METTL25B: variants seen among roughly 807,000 people sequenced by gnomAD.
METTL25B encodes the protein methyltransferase like 25B.
Under a neutral mutation model 48.4 loss-of-function variants are expected in METTL25B, and 38 were observed. That is an observed-to-expected ratio of 0.78 (90% CI 0.61 to 1.03). The LOEUF is 1.03. Ranked by LOEUF, METTL25B falls within the 50% of genes least tolerant of loss-of-function variation. METTL25B has a pLI of 0.00. For synonymous variants in METTL25B, 230 were observed against 254.5 expected (o/e 0.90, Z 0.92); for missense variants, 537 against 603.7 (o/e 0.89, Z 1.16).
intron 7 of METTL25B, 38 bp from the exon 8 acceptor site, chr1:156,736,594 G>A (rs1262276806): frequency 1.9e-6 from 3 of 1,612,280 alleles, no homozygotes; most frequent in East Asian, 4.5e-5. Context: ...AGTGAGTTTG[G>A]TTCATTCTTC....
At chr1:156,733,251 A>C in intron 4 of METTL25B, 126 bp from the exon 5 acceptor site, 2 of 1,185,034 alleles carry the variant, frequency 1.7e-6, no homozygotes, top group Non-Finnish European at 2.4e-6. Flanking sequence ...GATGTTAATA[A>C]GTTCTGTAGG....
chr1:156,731,420 G>A lies in METTL25B; in HGVS notation c.112-571G>A, dbSNP rs377637292. ...ATTACAGGCGTGAGCCACCATGCCC[G>A]GCCAAAGTTATTATTTTTTTTAATG... On this transcript the variant is annotated intron_variant, in intron 1 of 7. Coordinates refer to ENST00000368216, the MANE Select transcript of METTL25B (RefSeq NM_015997.4). 1.5e-4 allele frequency among the ~76,000 whole-genome samples: 23 copies of A among 152,294 alleles called. No homozygotes were observed. In the South Asian group the frequency reaches 3.5e-3, roughly 23 times the overall value.
chr1:156,729,369 T>C, intron 1 of METTL25B, 154 bp downstream of exon 1: 1 of 515,888 alleles, frequency 1.9e-6, no homozygotes, highest in South Asian at 2.7e-5. Context: ...ACTGGAGTGA[T>C]CCCTCCTTTT....
chr1:156,736,656 T>C lies in METTL25B; in HGVS notation c.1331T>C (p.Ile444Thr), dbSNP rs1649834240. 1 of 1,613,980 alleles carries C rather than the reference T, an allele frequency of 6.2e-7. No individual in the cohort carries two copies. Among genetic ancestry groups the C allele is most frequent in the Non-Finnish European group, 8.5e-7 (1 of 1,179,954 alleles). Reference protein sequence around the residue: ...EQGFHAELLPIFSPELSPRNL... With the variant: ...EQGFHAELLPTFSPELSPRNL... The stretch of plus-strand genomic sequence containing the variant: ...GGTTTCCATGCTGAGCTCCTGCCCA[T>C]CTTCAGTCCTGAACTCTCTCCCAGA... The change falls in exon 8 of 8, where the codon ATC becomes ACC. Residue 444 changes from isoleucine to threonine, a missense_variant. Ile to Thr is a moderately conservative substitution (Grantham distance 89). Transcript: ENST00000368216.
chr1:156,732,017 C>G lies in METTL25B; in HGVS notation c.138C>G (p.Asp46Glu). Residue 46 changes from aspartate (D) to glutamate (E), a missense_variant, in exon 2 of 8, where the codon GAC (aspartate) becomes GAG (glutamate). Coordinates refer to ENST00000368216, the MANE Select transcript of METTL25B (RefSeq NM_015997.4). ...AATTTTTCACAGACAACCTATGGGACACACTCCCTTGCTCATGGCAGGAAG... is the reference window on the plus strand; with the variant it reads ...AATTTTTCACAGACAACCTATGGGAGACACTCCCTTGCTCATGGCAGGAAG... The part of the protein sequence containing the change: ...IIEFFTDNLW[D>E]TLPCSWQEAL... 1 of 1,614,178 alleles carries G rather than the reference C, an allele frequency of 6.2e-7. No homozygotes were observed. The highest frequency in any genetic ancestry group is 8.5e-7 in the Non-Finnish European group (1 of 1,180,032).
chr1:156,728,523 G>C lies in METTL25B; in HGVS notation c.-582G>C. ...GGCGCGCGGGTTAGAACGCGCCAGAGGTCGGCGCGCGCACACCCGCACCGC... is the reference window on the plus strand; with the variant it reads ...GGCGCGCGGGTTAGAACGCGCCAGACGTCGGCGCGCGCACACCCGCACCGC... On this transcript the variant is annotated 5_prime_UTR_variant, in exon 1 of 8. Coordinates refer to ENST00000368216, the MANE Select transcript of METTL25B (RefSeq NM_015997.4). The C allele has an allele frequency of 1.0e-6, 1 of 985,618 alleles. No individual in the cohort carries two copies. Among genetic ancestry groups the C allele is most frequent in the Non-Finnish European group, 1.2e-6 (1 of 829,926 alleles). 61.1% of individuals were successfully genotyped at this position (985,618 alleles called of 1,614,324 possible). A position where few individuals can be genotyped will look rare whatever the true frequency, so the allele number is the denominator to read the frequency against.
Position 156,729,045 on chromosome 1 carries a change from C to A in METTL25B, c.-60C>A. ...GTCCGGGTCCTGGACCCGCGTAGTA[C>A]TGACCCTGGATCCCTGTTCACTGCG... On this transcript the variant is annotated 5_prime_UTR_variant, in exon 1 of 8. The change creates a new upstream start codon in the 5' untranslated region. Transcript: ENST00000368216. 1.0e-6 allele frequency: 1 copy of A among 1,001,378 alleles called. No individual in the cohort carries two copies. The highest frequency in any genetic ancestry group is 1.5e-6 in the Non-Finnish European group (1 of 656,596). The allele number at this position is 1,001,378 out of a possible 1,614,324, so 62.0% of individuals were successfully genotyped here.
chr1:156,735,587 T>C (rs567528290), intron 6 of METTL25B, 138 bp from the exon 7 acceptor site: 1 of 57,534 alleles, frequency 1.7e-5, no homozygotes, highest in South Asian at 1.3e-4. Flanking sequence ...TATATATATA[T>C]GCACATATGT....
In METTL25B at chr1:156,732,537, C is replaced by CA. The variant is rs375023064; in HGVS notation, c.429+67dup. 1.0e-3 allele frequency: 1,587 copies of CA among 1,515,272 alleles called. 1 individual carries two copies. The highest frequency in any genetic ancestry group is 1.9e-3 in the Middle Eastern group (11 of 5,780). 93.9% of individuals were successfully genotyped at this position (1,515,272 alleles called of 1,614,324 possible). A position where few individuals can be genotyped will look rare whatever the true frequency, so the allele number is the denominator to read the frequency against. Reference sequence around the variant, plus strand: ...CCAGGGACTCCTTAAGCCTGGCTTACAAATATGTGTGCCCTTTACCTCACA... The same window carrying CA: ...CCAGGGACTCCTTAAGCCTGGCTTACAAAATATGTGTGCCCTTTACCTCACA... On this transcript the variant is annotated intron_variant, in intron 3 of 7. Coordinates refer to ENST00000368216, the MANE Select transcript of METTL25B (RefSeq NM_015997.4).
chr1:156,731,014 A>T (rs932680371), intron 1 of METTL25B, among the ~76,000 whole-genome samples: 24 of 152,382 alleles, frequency 1.6e-4, no homozygotes, highest in African/African-American at 5.8e-4. Context: ...CACCTCAGAC[A>T]GGTCTTCCCT....
chr1:156,729,359 A>T, intron 1 of METTL25B, 144 bp downstream of exon 1: 1 of 547,592 alleles, frequency 1.8e-6, no homozygotes. Flanking sequence ...AGGGGTTAAA[A>T]CTGGAGTGAT....
rs781660324 is a variant in METTL25B, at chr1:156,734,230, C to G, written c.858C>G (p.Cys286Trp). The G allele has an allele frequency of 6.2e-7, 1 of 1,614,156 alleles. No individual in the cohort carries two copies. Among genetic ancestry groups the G allele is most frequent in the South Asian group, 1.1e-5 (1 of 91,092 alleles). Residue 286 changes from cysteine to tryptophan, a missense_variant, in exon 6 of 8, where the codon TGC becomes TGG. Physicochemically the swap from Cys to Trp is radical, Grantham distance 215. Coordinates refer to ENST00000368216, the MANE Select transcript of METTL25B (RefSeq NM_015997.4). Reference sequence around the variant, plus strand: ...TGGCCCTGGCCTCAGTGGGCTGCTGCTACATGAAGCTGAGTGACCCTGGCG... The same window carrying G: ...TGGCCCTGGCCTCAGTGGGCTGCTGGTACATGAAGCTGAGTGACCCTGGCG... ...EVVALASVGC[C>W]YMKLSDPGGY...
intron 5 of METTL25B, 153 bp downstream of exon 5, chr1:156,733,673 C>T: frequency 1.3e-6 from 1 of 783,152 alleles, no homozygotes; most frequent in African/African-American, 1.7e-5. Flanking sequence ...TGCCCTTTCC[C>T]CAGTGCCTCC....
rs1558024696 is a variant in METTL25B, at chr1:156,736,669, A to AC, written c.1345dup (p.Leu449ProfsTer25). ...AGCTCCTGCCCATCTTCAGTCCTGA[A>AC]CTCTCTCCCAGAAACCTGGTTCTGG... is the stretch of plus-strand genomic sequence containing the variant. On this transcript the variant is annotated frameshift_variant, in exon 8 of 8. Coordinates refer to ENST00000368216, the MANE Select transcript of METTL25B (RefSeq NM_015997.4). LOFTEE classifies it high-confidence loss of function. The AC allele has an allele frequency of 1.2e-6, 2 of 1,612,908 alleles. No homozygotes were observed. The highest frequency in any genetic ancestry group is 1.7e-6 in the Non-Finnish European group (2 of 1,179,664).
At chr1:156,735,496 T>TA (rs1449060362) in intron 6 of METTL25B, 4 of 109,742 alleles carry the variant, frequency 3.6e-5, no homozygotes, top group Non-Finnish European at 5.5e-5. Flanking sequence ...GGCTGGGAGT[T>TA]AGAGACCAGC....
Position 156,736,940 on chromosome 1 carries a change from T to C in METTL25B, c.*187T>C, listed in dbSNP as rs991472969. On this transcript the variant is annotated 3_prime_UTR_variant, in exon 8 of 8. Coordinates refer to ENST00000368216, the MANE Select transcript of METTL25B (RefSeq NM_015997.4). ...TGTAAAGTTTTAATTAATTAAAAATTGGATATCTGTTTCCTTCCCATTTCT... is the reference window on the plus strand; with the variant it reads ...TGTAAAGTTTTAATTAATTAAAAATCGGATATCTGTTTCCTTCCCATTTCT... 2.0e-5 allele frequency: 12 copies of C among 594,822 alleles called. No individual in the cohort carries two copies. The Admixed American group carries it at 3.9e-4, about 19-fold the overall frequency. 36.8% of individuals were successfully genotyped at this position (594,822 alleles called of 1,614,324 possible).
chr1:156,732,049 A>G lies in METTL25B; in HGVS notation c.170A>G (p.Asp57Gly). Reference sequence around the variant, plus strand: ...CCTTGCTCATGGCAGGAAGCATTGGATGGACTGAAACCACCACAGCTGGCC... The same window carrying G: ...CCTTGCTCATGGCAGGAAGCATTGGGTGGACTGAAACCACCACAGCTGGCC... Reference protein sequence around the residue: ...TLPCSWQEALDGLKPPQLATM... With the variant: ...TLPCSWQEALGGLKPPQLATM... The change falls in exon 2 of 8, where the codon GAT becomes GGT. Residue 57 changes from aspartate to glycine, a missense_variant. Coordinates refer to ENST00000368216, the MANE Select transcript of METTL25B (RefSeq NM_015997.4). 6.2e-7 allele frequency: 1 copy of G among 1,614,168 alleles called. No homozygotes were observed.
At position 156,734,104 on chromosome 1, in the gene METTL25B, C is replaced by T. The variant is rs1227816647; in HGVS notation, c.732C>T (p.Asn244=). The change falls in exon 6 of 8, where the codon AAC becomes AAT. Residue 244 remains asparagine, a synonymous_variant. Coordinates refer to ENST00000368216, the MANE Select transcript of METTL25B (RefSeq NM_015997.4). ...LCEELLLPLE[N]PCQGRARLLL... is the part of the protein sequence containing the mutation. ...AGGAGCTTCTGCTTCCACTGGAGAA[C>T]CCGTGTCAGGGCAGGGCCCGCTTGC... The T allele has an allele frequency of 5.6e-6, 9 of 1,614,112 alleles. No individual in the cohort carries two copies. The South Asian group carries it at 9.9e-5, about 18-fold the overall frequency.
At position 156,729,415 on chromosome 1, in the gene METTL25B, CTTTTTCTTTTTT is replaced by C. The variant is rs757823215; in HGVS notation, c.111+218_111+229del. 1.2e-3 allele frequency: 489 copies of C among 416,924 alleles called. 1 individual carries two copies. Among genetic ancestry groups the C allele is most frequent in the Admixed American group, 2.1e-3 (45 of 21,402 alleles). 25.8% of individuals were successfully genotyped at this position (416,924 alleles called of 1,614,324 possible). A position where few individuals can be genotyped will look rare whatever the true frequency, so the allele number is the denominator to read the frequency against. ...ACATAAATAATATTTCTTTTTTTTT[CTTTTTCTTTTTT>C]TTTTTCTTTTTTTTTTTGAGACGGA... On this transcript the variant is annotated intron_variant, in intron 1 of 7. Transcript: ENST00000368216.
Sources: allele counts gnomAD v4.1 joint callset (sites outside exome capture counted in the v4.1 genomes callset), GRCh38; gene constraint gnomAD v4.1.1; transcripts MANE v1.5; gene names NCBI Gene and HGNC (gene_info 2026-07-23, HGNC 2026-07-21).